The following ROBO1 variants were observed in gnomAD, a reference collection of about 807,000 sequenced individuals.
ROBO1 encodes roundabout guidance receptor 1.
Under a neutral mutation model 195.9 loss-of-function variants are expected in ROBO1, and 149 were observed. The observed-to-expected ratio is 0.76, with a 90% CI of 0.67 to 0.87. The LOEUF is 0.87. Among genes scored for constraint, ROBO1 ranks in the 40% least tolerant of loss-of-function variants. The pLI is 0.00. For missense variants in ROBO1, 1,933 were observed against 2,068.3 expected, an observed-to-expected ratio of 0.93 and a Z score of 1.27; for synonymous variants, 816 against 733.2, an observed-to-expected ratio of 1.11 and a Z score of -1.82.
chr3:78,979,246 C>A (rs955958086), intron 3 of ROBO1, among the ~76,000 whole-genome samples: 2 of 152,118 alleles, frequency 1.3e-5, no homozygotes, highest in Admixed American at 6.6e-5. Context: ...GAGATTAGGT[C>A]AAGCCAGCTC....
chr3:79,329,077 T>C (rs1474426584), intron 2 of ROBO1, among the ~76,000 whole-genome samples: 1 of 152,244 alleles, frequency 6.6e-6, no homozygotes, highest in African/African-American at 2.4e-5. Context: ...ACTACCTCTT[T>C]TATGGCTAGG....
intron 4 of ROBO1, among the ~76,000 whole-genome samples, chr3:78,880,363 T>C (rs2107247978): frequency 6.6e-6 from 1 of 152,206 alleles, no homozygotes; most frequent in Admixed American, 6.5e-5. Flanking sequence ...GAAAGAAATA[T>C]ATACTTTGTA....
chr3:78,948,052 G>T (rs1047031800), intron 3 of ROBO1, among the ~76,000 whole-genome samples: 9 of 152,066 alleles, frequency 5.9e-5, no homozygotes, highest in Admixed American at 2.0e-4. Context: ...ACCAAAAAGA[G>T]TCCAGGACCA....
intron 2 of ROBO1, among the ~76,000 whole-genome samples, chr3:79,449,352 C>A (rs1299691502): frequency 1.3e-5 from 2 of 151,244 alleles, no homozygotes; most frequent in African/African-American, 4.9e-5. Flanking sequence ...AAAAAAACAC[C>A]AAAATGAGTT....
rs756823843 is a variant in ROBO1, at chr3:78,631,126, T to C, written c.3626+35A>G. 1.9e-6 allele frequency: 3 copies of C among 1,590,320 alleles called. No individual in the cohort carries two copies. The African/African-American group carries it at 4.0e-5, about 21-fold the overall frequency. On this transcript the variant is annotated intron_variant, in intron 25 of 30. Coordinates refer to ENST00000464233, the MANE Select transcript of ROBO1 (RefSeq NM_002941.4). The stretch of plus-strand genomic sequence containing the variant: ...TGAAAATGGGCTGAAACAATCATAT[T>C]ACACTGTTTACATCTGTTTGGATGC...
chr3:78,864,599 G>T (rs913191046), intron 4 of ROBO1, among the ~76,000 whole-genome samples: 3 of 151,996 alleles, frequency 2.0e-5, no homozygotes, highest in Admixed American at 1.3e-4. Flanking sequence ...ATTGGATGAA[G>T]TAAATACATG....
intron 2 of ROBO1, among the ~76,000 whole-genome samples, chr3:79,575,071 T>G (rs1943406678): frequency 6.9e-6 from 1 of 145,778 alleles, no homozygotes; most frequent in Non-Finnish European, 1.5e-5. Context: ...TTTCTGTCTT[T>G]GTGTTTTTAA....
intron 1 of ROBO1, among the ~76,000 whole-genome samples, chr3:79,722,206 A>T (rs1320692478): frequency 6.6e-6 from 1 of 152,216 alleles, no homozygotes; most frequent in South Asian, 2.1e-4. Flanking sequence ...AAAATCAAAG[A>T]TGTGATACAT....
chr3:78,719,404 A>C (rs1207603677), intron 5 of ROBO1, among the ~76,000 whole-genome samples: 2 of 152,178 alleles, frequency 1.3e-5, no homozygotes, highest in East Asian at 1.9e-4. Flanking sequence ...CACAAAAAAA[A>C]CACGTTAATT....
chr3:78,709,428 G>GA (rs1383991507), intron 8 of ROBO1, among the ~76,000 whole-genome samples: 5 of 152,022 alleles, frequency 3.3e-5, no homozygotes, highest in Admixed American at 6.5e-5. Context: ...ACAGAGCCCA[G>GA]AAAAAATATA....
At chr3:78,973,076 A>G (rs1399154047) in intron 3 of ROBO1, among the ~76,000 whole-genome samples, 3 of 152,188 alleles carry the variant, frequency 2.0e-5, no homozygotes, top group Admixed American at 2.0e-4. Context: ...TGATCCTGCC[A>G]ATGCATTTTC....
At chr3:79,668,593 C>T (rs756894070) in intron 1 of ROBO1, among the ~76,000 whole-genome samples, 1 of 151,558 alleles carries the variant, frequency 6.6e-6, no homozygotes, top group South Asian at 2.1e-4. Context: ...AAGACCAATA[C>T]CCCCACTTCT....
chr3:78,750,278 C>G (rs1210047534), intron 4 of ROBO1, among the ~76,000 whole-genome samples: 2 of 151,596 alleles, frequency 1.3e-5, no homozygotes, highest in Non-Finnish European at 2.9e-5. Context: ...AAGGTGAAAC[C>G]CCGTTTCTAC....
chr3:79,416,874 C>T (rs961322493), intron 2 of ROBO1, among the ~76,000 whole-genome samples: 2 of 152,154 alleles, frequency 1.3e-5, no homozygotes, highest in African/African-American at 4.8e-5. Context: ...CTATGGCACT[C>T]TGCAAGTGGC....
At chr3:79,488,993 A>G (rs1408755510) in intron 2 of ROBO1, among the ~76,000 whole-genome samples, 1 of 152,148 alleles carries the variant, frequency 6.6e-6, no homozygotes, top group Non-Finnish European at 1.5e-5. Context: ...GACAATAACA[A>G]AAAACAAATG....
intron 1 of ROBO1, among the ~76,000 whole-genome samples, chr3:79,656,659 C>A (rs1255250487): frequency 6.6e-6 from 1 of 151,836 alleles, no homozygotes; most frequent in East Asian, 1.9e-4. Flanking sequence ...CTTTGGGAGA[C>A]TGAGGCAGGA....
chr3:79,274,830 C>T (rs540090251), intron 2 of ROBO1, among the ~76,000 whole-genome samples: 13 of 151,908 alleles, frequency 8.6e-5, no homozygotes, highest in South Asian at 2.1e-4. Context: ...GAAATCCGAA[C>T]GATCATTAGA....
intron 1 of ROBO1, among the ~76,000 whole-genome samples, chr3:79,729,141 T>C (rs1009665778): frequency 6.6e-6 from 1 of 152,250 alleles, no homozygotes; most frequent in Non-Finnish European, 1.5e-5. Context: ...ATTTGTATTA[T>C]GTTCATTTCA....
At chr3:79,570,191 C>T (rs1185024445) in intron 2 of ROBO1, among the ~76,000 whole-genome samples, 1 of 151,826 alleles carries the variant, frequency 6.6e-6, no homozygotes, top group Non-Finnish European at 1.5e-5. Flanking sequence ...TGAACAATTT[C>T]CTATTACCTC....
Sources: gnomAD v4.1 joint callset for allele counts (sites outside exome capture counted in the v4.1 genomes callset) on GRCh38, gnomAD v4.1.1 for gene constraint, MANE v1.5 for transcripts, NCBI Gene and HGNC (gene_info 2026-07-23, HGNC 2026-07-21) for gene names.